The following POFUT3 variants were observed in gnomAD, a reference collection of about 807,000 sequenced individuals.
POFUT3 encodes the protein GDP-fucose protein O-fucosyltransferase 3.
At chr8:33,352,287 T>C in the POFUT3 span, among the ~76,000 whole-genome samples, 1 of 152,206 alleles carries the variant, frequency 6.6e-6, no homozygotes, top group East Asian at 1.9e-4. Context: ...ATTTTGGAGT[T>C]AGAAACAAAA....
the POFUT3 span, among the ~76,000 whole-genome samples, chr8:33,470,285 G>A: frequency 2.0e-5 from 3 of 149,526 alleles, no homozygotes; most frequent in Non-Finnish European, 4.4e-5. Flanking sequence ...GCATGCTGGT[G>A]TGCACCTGTA....
At chr8:33,344,155 G>C in the POFUT3 span, among the ~76,000 whole-genome samples, 31 of 152,176 alleles carry the variant, frequency 2.0e-4, no homozygotes, top group African/African-American at 7.5e-4. Flanking sequence ...ACACTCCTGA[G>C]AGTTTCCCCT....
the POFUT3 span, among the ~76,000 whole-genome samples, chr8:33,319,404 A>G: frequency 2.1e-4 from 13 of 61,922 alleles, no homozygotes; most frequent in East Asian, 6.9e-4. Context: ...TATATATAGT[A>G]TATATTATAT....
At chr8:33,372,044 C>T in the POFUT3 span, 1 of 556,574 alleles carries the variant, frequency 1.8e-6, no homozygotes, top group Non-Finnish European at 2.3e-6. Context: ...GGTAGACACA[C>T]ATAAGTTCTT....
chr8:33,362,813 A>G, the POFUT3 span, among the ~76,000 whole-genome samples: 2 of 152,138 alleles, frequency 1.3e-5, no homozygotes, highest in South Asian at 2.1e-4. Flanking sequence ...CTCCCACACA[A>G]TAATAATGGG....
the POFUT3 span, among the ~76,000 whole-genome samples, chr8:33,343,021 C>A: frequency 6.6e-6 from 1 of 151,488 alleles, no homozygotes; most frequent in Non-Finnish European, 1.5e-5. Flanking sequence ...GCAGGAGAAT[C>A]GCTTGAACCT....
At chr8:33,344,401 G>C in the POFUT3 span, among the ~76,000 whole-genome samples, 1 of 152,180 alleles carries the variant, frequency 6.6e-6, no homozygotes, top group African/African-American at 2.4e-5. Context: ...CGTATCGATG[G>C]TTAATGAATA....
the POFUT3 span, among the ~76,000 whole-genome samples, chr8:33,312,955 G>A: frequency 6.6e-5 from 10 of 152,024 alleles, no homozygotes; most frequent in Non-Finnish European, 1.0e-4. Context: ...TTCTGCTGCC[G>A]ATGTCTCATT....
chr8:33,354,374 C>A, the POFUT3 span, among the ~76,000 whole-genome samples: 6 of 152,076 alleles, frequency 3.9e-5, no homozygotes, highest in Admixed American at 3.3e-4. Context: ...ACCAGAGGAG[C>A]TGATGATGTA....
the POFUT3 span, among the ~76,000 whole-genome samples, chr8:33,363,491 T>C: frequency 3.9e-5 from 6 of 152,044 alleles, no homozygotes; most frequent in Non-Finnish European, 8.8e-5. Flanking sequence ...GCCGGTTTTT[T>C]GAAAAGATCA....
the POFUT3 span, among the ~76,000 whole-genome samples, chr8:33,468,391 G>C: frequency 6.6e-6 from 1 of 152,078 alleles, no homozygotes; most frequent in Non-Finnish European, 1.5e-5. Flanking sequence ...TGGTAATTGG[G>C]GAGTCAACTG....
chr8:33,393,601 T>G, the POFUT3 span, among the ~76,000 whole-genome samples: 1 of 152,150 alleles, frequency 6.6e-6, no homozygotes, highest in African/African-American at 2.4e-5. Context: ...TACAAACTGG[T>G]GAAAACAGAA....
chr8:33,380,836 C>CA, the POFUT3 span, among the ~76,000 whole-genome samples: 36,189 of 124,562 alleles, frequency 0.29, 4,979 homozygotes, highest in East Asian at 0.49. Flanking sequence ...GACCCTGTCT[C>CA]AAAAAAAAAA....
the POFUT3 span, among the ~76,000 whole-genome samples, chr8:33,330,904 G>T: frequency 2.6e-5 from 4 of 152,056 alleles, no homozygotes; most frequent in Non-Finnish European, 5.9e-5. Flanking sequence ...TCCCAACCTG[G>T]TTGTGAAGTC....
At chr8:33,381,288 A>G in the POFUT3 span, among the ~76,000 whole-genome samples, 2,192 of 152,304 alleles carry the variant, frequency 0.014, 53 homozygotes, top group African/African-American at 0.049. Flanking sequence ...TCACCAAATT[A>G]TCTTGTCTTT....
chr8:33,316,576 G>T, the POFUT3 span, among the ~76,000 whole-genome samples: 1 of 66,812 alleles, frequency 1.5e-5, no homozygotes, highest in East Asian at 1.7e-3. Context: ...CAAAAAAAAA[G>T]AAAGAAAGAA....
chr8:33,365,245 T>C, the POFUT3 span, among the ~76,000 whole-genome samples: 4 of 152,248 alleles, frequency 2.6e-5, no homozygotes, highest in African/African-American at 9.6e-5. Flanking sequence ...TTACACCTTA[T>C]ACAAAAATTA....
chr8:33,422,609 C>T, the POFUT3 span, among the ~76,000 whole-genome samples: 1 of 151,010 alleles, frequency 6.6e-6, no homozygotes, highest in East Asian at 1.9e-4. Context: ...GTTGCCCCTC[C>T]ACCCCAAAGC....
chr8:33,338,606 T>C, the POFUT3 span, among the ~76,000 whole-genome samples: 1 of 152,164 alleles, frequency 6.6e-6, no homozygotes, highest in Non-Finnish European at 1.5e-5. Flanking sequence ...TGAAGAGTCA[T>C]GATGTTCACC....
Sources: allele counts gnomAD v4.1 joint callset (sites outside exome capture counted in the v4.1 genomes callset), GRCh38; gene constraint gnomAD v4.1.1; transcripts MANE v1.5; gene names NCBI Gene and HGNC (gene_info 2026-07-23, HGNC 2026-07-21).